CNTNAP5: variants seen among roughly 807,000 people sequenced by gnomAD.
CNTNAP5 encodes the protein contactin-associated protein-like 5.
CNTNAP5 carries 72 observed loss-of-function variants against 150.2 expected under a neutral mutation model. That is an observed-to-expected ratio of 0.48 (90% CI 0.40 to 0.58). The LOEUF (loss-of-function observed/expected upper bound fraction) is 0.58. Among genes scored for constraint, CNTNAP5 ranks in the 20% least tolerant of loss-of-function variants. CNTNAP5 has a pLI of 0.00. For synonymous variants in CNTNAP5, 672 were observed against 619.8 expected, an observed-to-expected ratio of 1.08 and a Z score of -1.25; for missense variants, 1,636 against 1,626.2, an observed-to-expected ratio of 1.01 and a Z score of -0.10.
At chr2:124,619,790 C>T (rs538264184) in intron 12 of CNTNAP5, among the ~76,000 whole-genome samples, 41 of 147,638 alleles carry the variant, frequency 2.8e-4, no homozygotes, top group African/African-American at 9.9e-4. Flanking sequence ...GCATACTAAA[C>T]CTTCATAATC....
intron 2 of CNTNAP5, among the ~76,000 whole-genome samples, chr2:124,230,079 C>G (rs1398461464): frequency 1.3e-5 from 2 of 152,088 alleles, no homozygotes; most frequent in African/African-American, 2.4e-5. Context: ...AAGGCATTTT[C>G]AGCTCCCTGG....
intron 1 of CNTNAP5, among the ~76,000 whole-genome samples, chr2:124,066,077 G>T (rs1192696840): frequency 2.6e-5 from 4 of 152,136 alleles, no homozygotes; most frequent in African/African-American, 2.4e-5. Context: ...GAGTGCTTAG[G>T]TTCAGGAAAT....
At chr2:124,292,455 C>T (rs1410784303) in intron 3 of CNTNAP5, among the ~76,000 whole-genome samples, 3 of 152,018 alleles carry the variant, frequency 2.0e-5, no homozygotes, top group Non-Finnish European at 2.9e-5. Context: ...ATTTTAAAAA[C>T]CCATAATTAC....
At position 124,918,126 on chromosome 2, in the gene CNTNAP5, G is replaced by C. The variant is rs1678805650; in HGVS notation, c.*3838G>C. Among the ~76,000 whole-genome samples, 1 of 151,962 alleles carries C rather than the reference G, an allele frequency of 6.6e-6. No individual in the cohort carries two copies. Among genetic ancestry groups the C allele is most frequent in the African/African-American group, 2.4e-5 (1 of 41,402 alleles). Reference sequence around the variant, plus strand: ...TACATTCTTGTTTCGGGTCAGGTTGGGGGATTCCAAAAGTCTTGCCTCCCA... The same window carrying C: ...TACATTCTTGTTTCGGGTCAGGTTGCGGGATTCCAAAAGTCTTGCCTCCCA... On this transcript the variant is annotated 3_prime_UTR_variant, in exon 24 of 24. Transcript: ENST00000682447.
chr2:124,451,536 C>A (rs2104811275), intron 6 of CNTNAP5, among the ~76,000 whole-genome samples: 1 of 152,152 alleles, frequency 6.6e-6, no homozygotes, highest in South Asian at 2.1e-4. Flanking sequence ...ACTTTTGAGG[C>A]AGGGCTGGAT....
intron 14 of CNTNAP5, among the ~76,000 whole-genome samples, chr2:124,750,784 G>C (rs566198733): frequency 1.3e-5 from 2 of 152,106 alleles, no homozygotes; most frequent in African/African-American, 4.8e-5. Flanking sequence ...AGGAGCTCGA[G>C]ACCAACCTGG....
intron 13 of CNTNAP5, among the ~76,000 whole-genome samples, chr2:124,668,775 ATTAAC>A (rs1383712548): frequency 6.6e-6 from 1 of 152,258 alleles, no homozygotes; most frequent in East Asian, 1.9e-4. Context: ...ATTCACGTCA[ATTAAC>A]TTAAAGAGAT....
chr2:124,889,852 G>A (rs910926530), intron 21 of CNTNAP5, among the ~76,000 whole-genome samples: 5 of 151,838 alleles, frequency 3.3e-5, no homozygotes, highest in Non-Finnish European at 7.4e-5. Context: ...CAGTATTATC[G>A]CCACTGTTAT....
chr2:124,364,347 T>C (rs1690309046), intron 3 of CNTNAP5, among the ~76,000 whole-genome samples: 1 of 152,186 alleles, frequency 6.6e-6, no homozygotes, highest in Non-Finnish European at 1.5e-5. Flanking sequence ...CAAATGCGTT[T>C]GCAATGAACC....
chr2:124,833,614 A>T (rs1482495153), intron 19 of CNTNAP5, among the ~76,000 whole-genome samples: 1 of 152,168 alleles, frequency 6.6e-6, no homozygotes, highest in African/African-American at 2.4e-5. Context: ...ATGGCTCTGT[A>T]ACAGTGTTTC....
rs954649137 is a variant in CNTNAP5 at position 124,915,240 on chromosome 2, A to C, written c.*952A>C. 1 of 166,640 alleles carries C rather than the reference A, an allele frequency of 6.0e-6. No individual in the cohort carries two copies. Among genetic ancestry groups the C allele is most frequent in the Non-Finnish European group, 1.5e-5 (1 of 68,028 alleles). 10.3% of individuals were successfully genotyped at this position (166,640 alleles called of 1,614,324 possible). On this transcript the variant is annotated 3_prime_UTR_variant, in exon 24 of 24. Coordinates refer to ENST00000682447, the MANE Select transcript of CNTNAP5 (RefSeq NM_001367498.1). ...CACATATATATATATACACACACGC[A>C]CACATATATGTTGCTGCAGCATAAA...
chr2:124,747,401 A>G lies in CNTNAP5; in HGVS notation c.2234+16A>G, dbSNP rs376424361. 3.1e-4 allele frequency: 504 copies of G among 1,613,268 alleles called. 1 individual carries two copies. Among genetic ancestry groups the G allele is most frequent in the Non-Finnish European group, 4.0e-4 (467 of 1,179,434 alleles). On this transcript the variant is annotated intron_variant, in intron 14 of 23. Coordinates refer to ENST00000682447, the MANE Select transcript of CNTNAP5 (RefSeq NM_001367498.1). ...AGGATGAATGGTAATGAGAATCTCC[A>G]TCTTTCTGCAATTGTAGAGAAAGCA...
At chr2:124,074,787 T>C (rs1682398598) in intron 1 of CNTNAP5, among the ~76,000 whole-genome samples, 1 of 152,128 alleles carries the variant, frequency 6.6e-6, no homozygotes, top group South Asian at 2.1e-4. Flanking sequence ...ATCAGATCTA[T>C]TCATCATCAT....
chr2:124,825,419 C>A (rs945639224), intron 19 of CNTNAP5, among the ~76,000 whole-genome samples: 1 of 152,192 alleles, frequency 6.6e-6, no homozygotes, highest in African/African-American at 2.4e-5. Context: ...CTGACTCTCC[C>A]TCAAGAAGGT....
At chr2:124,245,667 AAATATATATATACACAC>A (rs1687000804) in intron 3 of CNTNAP5, among the ~76,000 whole-genome samples, 1 of 88,384 alleles carries the variant, frequency 1.1e-5, no homozygotes, top group African/African-American at 5.1e-5. Context: ...ATATACACAC[AAATATATATATACACAC>A]AAATATATAT....
At chr2:124,871,074 T>A (rs530401358) in intron 21 of CNTNAP5, among the ~76,000 whole-genome samples, 10,269 of 152,096 alleles carry the variant, frequency 0.068, 1,093 homozygotes, top group African/African-American at 0.23. Context: ...TTCACAGTCC[T>A]AATAATAATC....
At chr2:124,587,848 G>A (rs770180800) in intron 11 of CNTNAP5, among the ~76,000 whole-genome samples, 4 of 152,038 alleles carry the variant, frequency 2.6e-5, no homozygotes, top group Non-Finnish European at 5.9e-5. Flanking sequence ...GTTACATGAT[G>A]ACTATTTCCC....
intron 13 of CNTNAP5, among the ~76,000 whole-genome samples, chr2:124,655,941 G>GAAAGAA (rs1180720883): frequency 0.045 from 2,609 of 57,536 alleles, 58 homozygotes; most frequent in African/African-American, 0.077. Flanking sequence ...GAGAGAGAGA[G>GAAAGAA]AGAGAGAAAG....
At chr2:124,071,799 C>T (rs1392859159) in intron 1 of CNTNAP5, among the ~76,000 whole-genome samples, 1 of 151,888 alleles carries the variant, frequency 6.6e-6, no homozygotes, top group Non-Finnish European at 1.5e-5. Context: ...TGAAGAAGAA[C>T]TGATACCAAA....
Sources: gnomAD v4.1 joint callset for allele counts (sites outside exome capture counted in the v4.1 genomes callset) on GRCh38, gnomAD v4.1.1 for gene constraint, MANE v1.5 for transcripts, NCBI Gene and HGNC (gene_info 2026-07-23, HGNC 2026-07-21) for gene names.